FHIT: variants seen among roughly 807,000 people sequenced by gnomAD.
FHIT encodes the protein bis(5'-adenosyl)-triphosphatase.
Under a neutral mutation model 17.9 loss-of-function variants are expected in FHIT, and 19 were observed. That is an observed-to-expected ratio of 1.06 (90% CI 0.74 to 1.56). FHIT has a LOEUF of 1.56. Among genes scored for constraint, FHIT ranks in the 40% most tolerant of loss-of-function variants. The pLI is 0.00. For missense variants in FHIT, 248 were observed against 189.2 expected (o/e 1.31, Z -1.82); for synonymous variants, 81 against 69.7 (o/e 1.16, Z -0.81).
At chr3:60,393,440 T>C (rs1310580269) in intron 5 of FHIT, among the ~76,000 whole-genome samples, 1 of 149,872 alleles carries the variant, frequency 6.7e-6, no homozygotes, top group Non-Finnish European at 1.5e-5. Flanking sequence ...ATATAACTTA[T>C]GTATATAATT....
intron 2 of FHIT, among the ~76,000 whole-genome samples, chr3:61,184,754 G>T (rs115436563): frequency 6.6e-6 from 1 of 152,098 alleles, no homozygotes; most frequent in South Asian, 2.1e-4. Flanking sequence ...GCATCTAAAT[G>T]TAGAGTCATG....
chr3:60,752,067 T>G (rs1420187558), intron 4 of FHIT, among the ~76,000 whole-genome samples: 8 of 152,258 alleles, frequency 5.3e-5, no homozygotes, highest in African/African-American at 1.9e-4. Flanking sequence ...TTTGTGTTTT[T>G]CTACGTACAC....
Position 60,571,335 on chromosome 3 carries a change from C to CAAAAAAAAAAAAAAAAA in FHIT, c.-17-34373_-17-34357dup, listed in dbSNP as rs56094072. On this transcript the variant is annotated intron_variant, in intron 4 of 9. Transcript: ENST00000492590. ...TGGGCAACAGGGCAAGACTCCATCG[C>CAAAAAAAAAAAAAAAAA]AAAAAAAAAAAAAAAAAAAAAAAAA... Among the ~76,000 whole-genome samples, 12 of 54,672 alleles carry CAAAAAAAAAAAAAAAAA rather than the reference C, an allele frequency of 2.2e-4. 1 individual carries two copies. Among genetic ancestry groups the CAAAAAAAAAAAAAAAAA allele is most frequent in the South Asian group, 7.7e-4 (1 of 1,304 alleles). 35.9% of individuals were successfully genotyped at this position (54,672 alleles called of 152,430 possible).
intron 5 of FHIT, among the ~76,000 whole-genome samples, chr3:60,431,301 G>A (rs1159042512): frequency 6.6e-6 from 1 of 151,500 alleles, no homozygotes; most frequent in African/African-American, 2.4e-5. Flanking sequence ...TATGATGTTG[G>A]CCTAATGATT....
intron 3 of FHIT, among the ~76,000 whole-genome samples, chr3:60,949,283 A>G (rs1708773931): frequency 1.3e-5 from 2 of 152,130 alleles, no homozygotes; most frequent in Admixed American, 6.5e-5. Context: ...CTGGAGGCCA[A>G]ACTTCTTTGC....
chr3:59,843,112 T>C (rs1701591162), intron 8 of FHIT, among the ~76,000 whole-genome samples: 1 of 152,202 alleles, frequency 6.6e-6, no homozygotes, highest in Non-Finnish European at 1.5e-5. Flanking sequence ...CTAACATTAA[T>C]TGTATTCTTT....
rs192465888 is a variant in FHIT at position 59,760,407 on chromosome 3, G to A, written c.349-8086C>T. ...ACATTGTCAAGCCGATTGCCAAAGC[G>A]GCAAATGAGACTTTGCTAGCATCAT... is the stretch of plus-strand genomic sequence containing the variant. On this transcript the variant is annotated intron_variant, in intron 8 of 9. Transcript: ENST00000492590. 9.6e-4 allele frequency among the ~76,000 whole-genome samples: 146 copies of A among 152,130 alleles called. 1 individual carries two copies. The highest frequency in any genetic ancestry group is 1.9e-3 in the Admixed American group (29 of 15,282).
intron 3 of FHIT, among the ~76,000 whole-genome samples, chr3:61,021,807 GA>G (rs1325145279): frequency 1.3e-5 from 2 of 152,032 alleles, no homozygotes; most frequent in African/African-American, 4.8e-5. Flanking sequence ...TAAGAACAAA[GA>G]CACAATGTAC....
At chr3:60,321,716 T>C (rs1351331203) in intron 5 of FHIT, among the ~76,000 whole-genome samples, 1 of 152,188 alleles carries the variant, frequency 6.6e-6, no homozygotes, top group East Asian at 1.9e-4. Context: ...AATTGGGTGA[T>C]GTATAAATAA....
chr3:60,695,218 A>C (rs1276155250), intron 4 of FHIT, among the ~76,000 whole-genome samples: 1 of 152,080 alleles, frequency 6.6e-6, no homozygotes, highest in Admixed American at 6.6e-5. Flanking sequence ...AAAATGGCAA[A>C]AGCCCATCTC....
chr3:60,631,328 A>G (rs1319665035), intron 4 of FHIT, among the ~76,000 whole-genome samples: 1 of 152,146 alleles, frequency 6.6e-6, no homozygotes, highest in Non-Finnish European at 1.5e-5. Context: ...TATGACTGAA[A>G]CCACCAAAAT....
chr3:59,856,769 G>A (rs1434735307), intron 8 of FHIT, among the ~76,000 whole-genome samples: 1 of 151,844 alleles, frequency 6.6e-6, no homozygotes, highest in Non-Finnish European at 1.5e-5. Flanking sequence ...GGGAATTAAG[G>A]AAGTAAACAA....
intron 5 of FHIT, among the ~76,000 whole-genome samples, chr3:60,461,233 C>T (rs563370655): frequency 2.9e-4 from 44 of 152,092 alleles, no homozygotes; most frequent in Non-Finnish European, 4.7e-4. Flanking sequence ...TATTGATTTT[C>T]CTTTTGATTA....
chr3:59,961,539 G>C (rs186549767), intron 7 of FHIT, among the ~76,000 whole-genome samples: 1 of 152,158 alleles, frequency 6.6e-6, no homozygotes, highest in Non-Finnish European at 1.5e-5. Flanking sequence ...GACCCCACTG[G>C]TGTAGGCATC....
intron 2 of FHIT, among the ~76,000 whole-genome samples, chr3:61,090,011 G>A (rs1449236099): frequency 6.6e-6 from 1 of 152,174 alleles, no homozygotes; most frequent in Non-Finnish European, 1.5e-5. Flanking sequence ...GCCAATACAT[G>A]ATGAAGTTTT....
At chr3:59,838,894 G>T (rs1386760164) in intron 8 of FHIT, among the ~76,000 whole-genome samples, 1 of 152,096 alleles carries the variant, frequency 6.6e-6, no homozygotes, top group Non-Finnish European at 1.5e-5. Flanking sequence ...CAGACCTCCA[G>T]CCCCTGCCTC....
chr3:60,834,893 A>C (rs1702479133), intron 3 of FHIT, among the ~76,000 whole-genome samples: 1 of 151,844 alleles, frequency 6.6e-6, no homozygotes, highest in South Asian at 2.1e-4. Context: ...AAAAAAAAAA[A>C]AAAAACTCTT....
chr3:60,115,275 G>A (rs1297382693), intron 5 of FHIT, among the ~76,000 whole-genome samples: 3 of 152,204 alleles, frequency 2.0e-5, no homozygotes, highest in East Asian at 1.9e-4. Context: ...TATTAAAGAC[G>A]AAGAGCTAAC....
intron 2 of FHIT, among the ~76,000 whole-genome samples, chr3:61,143,954 A>T (rs2037158259): frequency 6.6e-6 from 1 of 152,206 alleles, no homozygotes; most frequent in African/African-American, 2.4e-5. Flanking sequence ...GTAGTGTAAT[A>T]TTGACAGTCC....
Sources: allele counts gnomAD v4.1 joint callset (sites outside exome capture counted in the v4.1 genomes callset), GRCh38; gene constraint gnomAD v4.1.1; transcripts MANE v1.5; gene names NCBI Gene and HGNC (gene_info 2026-07-23, HGNC 2026-07-21).